LY86: variants seen among roughly 807,000 people sequenced by gnomAD.
LY86 encodes the protein lymphocyte antigen 86.
Under a neutral mutation model 17.3 loss-of-function variants are expected in LY86, and 20 were observed. That is an observed-to-expected ratio of 1.15 (90% CI 0.81 to 1.68). The LOEUF (loss-of-function observed/expected upper bound fraction) is 1.68, where lower values mean the gene tolerates loss of function less well. LY86 is among the 40% of genes most tolerant of loss of function. The pLI, the probability that LY86 is intolerant of heterozygous loss-of-function variation, is 0.00. For synonymous variants in LY86, 74 were observed against 70.6 expected, an observed-to-expected ratio of 1.05 and a Z score of -0.24; for missense variants, 200 against 191.9, an observed-to-expected ratio of 1.04 and a Z score of -0.25.
intron 1 of LY86, among the ~76,000 whole-genome samples, chr6:6,615,460 G>GCCTGTAAT (rs1287125021): frequency 2.6e-5 from 4 of 152,116 alleles, no homozygotes; most frequent in Non-Finnish European, 4.4e-5. Context: ...GGTGGCTCAC[G>GCCTGTAAT]CCTGTAATCC....
At chr6:6,605,287 T>C (rs1046244487) in intron 1 of LY86, among the ~76,000 whole-genome samples, 8 of 152,242 alleles carry the variant, frequency 5.3e-5, no homozygotes, top group African/African-American at 1.9e-4. Flanking sequence ...CACAGTTTTT[T>C]TCCTCTGGGG....
intron 1 of LY86, among the ~76,000 whole-genome samples, chr6:6,607,088 C>T (rs1359688496): frequency 1.3e-5 from 2 of 152,234 alleles, no homozygotes; most frequent in African/African-American, 2.4e-5. Flanking sequence ...TGGAGGCTGC[C>T]TAGTGCAAAA....
chr6:6,594,505 C>T (rs1272397162), intron 1 of LY86, among the ~76,000 whole-genome samples: 1 of 152,154 alleles, frequency 6.6e-6, no homozygotes, highest in African/African-American at 2.4e-5. Flanking sequence ...CAAGGCTCCA[C>T]AGAGCGTTAT....
intron 1 of LY86, among the ~76,000 whole-genome samples, chr6:6,609,185 T>C (rs1761271268): frequency 6.6e-6 from 1 of 152,148 alleles, no homozygotes; most frequent in African/African-American, 2.4e-5. Flanking sequence ...GAAGAGAAAG[T>C]ACAAGCAAGT....
At chr6:6,595,294 A>G (rs1171603424) in intron 1 of LY86, among the ~76,000 whole-genome samples, 1 of 147,924 alleles carries the variant, frequency 6.8e-6, no homozygotes, top group Non-Finnish European at 1.5e-5. Flanking sequence ...GGTGGGGAAG[A>G]AGAGGAGAAG....
At chr6:6,637,862 A>C (rs916675319) in intron 3 of LY86, among the ~76,000 whole-genome samples, 3 of 152,210 alleles carry the variant, frequency 2.0e-5, no homozygotes, top group African/African-American at 7.2e-5. Context: ...CTAGGAATCT[A>C]ATCAGCCCAC....
intron 3 of LY86, among the ~76,000 whole-genome samples, chr6:6,628,659 C>T (rs1761846315): frequency 6.6e-6 from 1 of 152,058 alleles, no homozygotes; most frequent in Non-Finnish European, 1.5e-5. Flanking sequence ...TAGTGCTTAT[C>T]TCAGATGGAA....
At chr6:6,624,374 A>AATGCG (rs1554125574) in intron 1 of LY86, among the ~76,000 whole-genome samples, 8 of 101,726 alleles carry the variant, frequency 7.9e-5, no homozygotes, top group Non-Finnish European at 1.2e-4. Flanking sequence ...CATTACATTA[A>AATGCG]ATGGGATGGG....
intron 1 of LY86, among the ~76,000 whole-genome samples, chr6:6,617,482 G>C (rs1761581757): frequency 6.6e-6 from 1 of 152,162 alleles, no homozygotes; most frequent in Non-Finnish European, 1.5e-5. Flanking sequence ...GAGAGATTTA[G>C]AGTATATATA....
intron 1 of LY86, among the ~76,000 whole-genome samples, chr6:6,619,560 G>T (rs575577573): frequency 1.3e-5 from 2 of 152,238 alleles, no homozygotes; most frequent in Admixed American, 1.3e-4. Context: ...AGCTGCCTGT[G>T]GCTGGTAAGG....
chr6:6,647,963 TCACATACACACA>T (rs1554126762), intron 3 of LY86, among the ~76,000 whole-genome samples: 12 of 127,990 alleles, frequency 9.4e-5, no homozygotes, highest in Non-Finnish European at 1.5e-4. Flanking sequence ...TCTTCAATCA[TCACATACACACA>T]CACACACACA....
chr6:6,589,498 C>T (rs554218621), intron 1 of LY86, among the ~76,000 whole-genome samples: 1 of 152,326 alleles, frequency 6.6e-6, no homozygotes, highest in Admixed American at 6.5e-5. Context: ...CAGATAATTG[C>T]AATTCAGTGA....
At chr6:6,644,771 T>C (rs1762086679) in intron 3 of LY86, among the ~76,000 whole-genome samples, 1 of 152,058 alleles carries the variant, frequency 6.6e-6, no homozygotes. Flanking sequence ...ACGGAAGAAA[T>C]GGGTGCAAAT....
intron 1 of LY86, among the ~76,000 whole-genome samples, chr6:6,605,606 G>A (rs1383397208): frequency 2.0e-5 from 3 of 152,274 alleles, no homozygotes; most frequent in East Asian, 1.9e-4. Context: ...TCATGACATT[G>A]CAGCCTCATC....
chr6:6,629,389 T>C (rs1483823433), intron 3 of LY86, among the ~76,000 whole-genome samples: 29 of 152,170 alleles, frequency 1.9e-4, no homozygotes, highest in Non-Finnish European at 1.5e-5. Context: ...TCCAAAGAAA[T>C]GGTTAATAGT....
rs114418269 is a variant in LY86, at chr6:6,651,753, C to T, written c.405+2076C>T. On this transcript the variant is annotated intron_variant, in intron 4 of 4. Transcript: ENST00000230568. ...AAAGAACTTCTTAAAGTCAGAAAAC[C>T]CCTTTGAAAGTAAGTTGAGAGGCCA... Among the ~76,000 whole-genome samples, 678 of 151,946 alleles carry T rather than the reference C, an allele frequency of 4.5e-3. 6 individuals are homozygous for T. Among genetic ancestry groups the T allele is most frequent in the African/African-American group, 0.015 (640 of 41,432 alleles).
intron 1 of LY86, among the ~76,000 whole-genome samples, chr6:6,600,143 T>C (rs1242060224): frequency 1.3e-5 from 2 of 152,206 alleles, no homozygotes; most frequent in Non-Finnish European, 2.9e-5. Context: ...GTACTATTAT[T>C]GTAAACTTTA....
At chr6:6,610,813 A>G (rs1255789102) in intron 1 of LY86, among the ~76,000 whole-genome samples, 1 of 152,212 alleles carries the variant, frequency 6.6e-6, no homozygotes, top group African/African-American at 2.4e-5. Flanking sequence ...AGCGATGTTC[A>G]GCAAAGTCAG....
Position 6,605,215 on chromosome 6 carries a change from T to TA in LY86, c.136+16345_136+16346insA, listed in dbSNP as rs1206063846. Among the ~76,000 whole-genome samples, 4 of 152,348 alleles carry TA rather than the reference T, an allele frequency of 2.6e-5. No homozygotes were observed. The East Asian group carries it at 7.7e-4, about 29-fold the overall frequency. On this transcript the variant is annotated intron_variant, in intron 1 of 4. Coordinates refer to ENST00000230568, the MANE Select transcript of LY86 (RefSeq NM_004271.4). ...GAACAAGAATGTGTTAGATTTCTAT[T>TA]TCTGCATAACAAATACCCTAAAATT...
Sources: allele counts gnomAD v4.1 joint callset (sites outside exome capture counted in the v4.1 genomes callset), GRCh38; gene constraint gnomAD v4.1.1; transcripts MANE v1.5; gene names NCBI Gene and HGNC (gene_info 2026-07-23, HGNC 2026-07-21).